IL23R: variants seen among roughly 807,000 people sequenced by gnomAD.
IL23R encodes the protein interleukin-23 receptor.
In IL23R, 34 loss-of-function variants were observed where a neutral mutation model predicts 56.9. The observed-to-expected ratio is 0.60, with a 90% CI of 0.45 to 0.80. IL23R has a LOEUF of 0.80. IL23R is among the 30% of genes least tolerant of loss of function. The pLI, the probability that IL23R is intolerant of heterozygous loss-of-function variation, is 0.00. For synonymous variants in IL23R, 230 were observed against 249.2 expected (o/e 0.92, Z 0.73); for missense variants, 635 against 730.0 (o/e 0.87, Z 1.50).
intron 3 of IL23R, among the ~76,000 whole-genome samples, chr1:67,174,932 A>C (rs1646988705): frequency 6.6e-6 from 1 of 152,174 alleles, no homozygotes; most frequent in Non-Finnish European, 1.5e-5. Flanking sequence ...TGCTACTCAG[A>C]GATAGCAGTT....
chr1:67,204,146 C>T (rs1198697978), intron 5 of IL23R, among the ~76,000 whole-genome samples: 3 of 152,134 alleles, frequency 2.0e-5, no homozygotes, highest in African/African-American at 7.2e-5. Context: ...TCACTGCAAG[C>T]TCCGCCTTCC....
At chr1:67,204,098 C>T (rs147074474) in intron 5 of IL23R, among the ~76,000 whole-genome samples, 25 of 152,100 alleles carry the variant, frequency 1.6e-4, no homozygotes, top group Non-Finnish European at 3.1e-4. Flanking sequence ...GAGTCTCGCT[C>T]TGTCGCCCAG....
At chr1:67,174,182 T>A (rs1646980154) in intron 3 of IL23R, among the ~76,000 whole-genome samples, 1 of 152,116 alleles carries the variant, frequency 6.6e-6, no homozygotes, top group African/African-American at 2.4e-5. Context: ...GATGTATAAT[T>A]GCTGAGTTGC....
chr1:67,151,392 T>C (rs1188844559), intron 1 of IL23R, among the ~76,000 whole-genome samples: 1 of 152,234 alleles, frequency 6.6e-6, no homozygotes, highest in Non-Finnish European at 1.5e-5. Context: ...TCTCCCATTC[T>C]GTAGGTTGCC....
At chr1:67,146,119 A>G (rs1570753059) in intron 1 of IL23R, among the ~76,000 whole-genome samples, 1 of 152,240 alleles carries the variant, frequency 6.6e-6, no homozygotes, top group East Asian at 1.9e-4. Flanking sequence ...AATATTCCAG[A>G]CCATTTGAGT....
chr1:67,255,506 A>T (rs1652891959), intron 9 of IL23R, among the ~76,000 whole-genome samples: 2 of 152,046 alleles, frequency 1.3e-5, no homozygotes, highest in African/African-American at 4.8e-5. Flanking sequence ...TGGCATGGTC[A>T]CAGCTCACTA....
At position 67,259,063 on chromosome 1, in the gene IL23R, A is replaced by T; in HGVS notation, c.1825A>T (p.Asn609Tyr). Residue 609 changes from asparagine to tyrosine, a missense_variant, in exon 11 of 11, where the codon AAT becomes TAT. Coordinates refer to ENST00000347310, the MANE Select transcript of IL23R (RefSeq NM_144701.3). ...CGTGAATGAGGAGTTGCCATCTATTAATACTTATTTTCCACAAAATATTTT... is the reference window on the plus strand; with the variant it reads ...CGTGAATGAGGAGTTGCCATCTATTTATACTTATTTTCCACAAAATATTTT... The part of the protein sequence containing the change: ...GIVNEELPSI[N>Y]TYFPQNILES... 3 of 1,613,972 alleles carry T rather than the reference A, an allele frequency of 1.9e-6. No homozygotes were observed. The highest frequency in any genetic ancestry group is 2.5e-6 in the Non-Finnish European group (3 of 1,179,932).
intron 6 of IL23R, among the ~76,000 whole-genome samples, chr1:67,208,347 A>G (rs1401356031): frequency 1.3e-5 from 2 of 152,182 alleles, no homozygotes; most frequent in Non-Finnish European, 2.9e-5. Context: ...TCCCTAGACC[A>G]TGGGGAAAAT....
At chr1:67,235,410 G>A (rs372165742) in intron 7 of IL23R, among the ~76,000 whole-genome samples, 1 of 105,548 alleles carries the variant, frequency 9.5e-6, no homozygotes, top group Admixed American at 9.8e-5. Flanking sequence ...TTTTTTTTTT[G>A]TGAAATGGAG....
At chr1:67,215,961 A>C (rs1335912391) in intron 6 of IL23R, among the ~76,000 whole-genome samples, 1 of 151,608 alleles carries the variant, frequency 6.6e-6, no homozygotes, top group African/African-American at 2.4e-5. Flanking sequence ...TCTCTTTCTT[A>C]CTCCTTTCAC....
chr1:67,218,689 C>T (rs1471291799), intron 6 of IL23R, among the ~76,000 whole-genome samples: 1 of 151,744 alleles, frequency 6.6e-6, no homozygotes, highest in Non-Finnish European at 1.5e-5. Flanking sequence ...TTTGGGAGGC[C>T]AAGGCAGAGA....
chr1:67,156,934 A>G (rs1646774569), intron 1 of IL23R, among the ~76,000 whole-genome samples: 1 of 152,190 alleles, frequency 6.6e-6, no homozygotes, highest in African/African-American at 2.4e-5. Flanking sequence ...GGGCCCTGAT[A>G]GTGTAGGCTC....
Position 67,218,988 on chromosome 1 carries a change from T to A in IL23R, c.799-586T>A, listed in dbSNP as rs192837931. On this transcript the variant is annotated intron_variant, in intron 6 of 10. Transcript: ENST00000347310. The stretch of plus-strand genomic sequence containing the variant: ...ACACACACATATAAATAAATAAATA[T>A]ATATACACACATAAATAAATATATA... Among the ~76,000 whole-genome samples, 27 of 151,180 alleles carry A rather than the reference T, an allele frequency of 1.8e-4. No individual in the cohort carries two copies. In the East Asian group the frequency reaches 4.5e-3, roughly 25 times the overall value.
chr1:67,258,221 C>T (rs1653056383), intron 10 of IL23R, among the ~76,000 whole-genome samples: 1 of 151,986 alleles, frequency 6.6e-6, no homozygotes, highest in Non-Finnish European at 1.5e-5. Context: ...AACTTTTAAA[C>T]CAAGAAATGT....
chr1:67,261,772 G>A (rs952978247), downstream of IL23R, among the ~76,000 whole-genome samples: 9 of 152,198 alleles, frequency 5.9e-5, no homozygotes, highest in African/African-American at 1.9e-4. Flanking sequence ...CACCATAATT[G>A]TAATCTATCA....
At chr1:67,189,843 A>G (rs867457790) in intron 4 of IL23R, among the ~76,000 whole-genome samples, 7 of 152,182 alleles carry the variant, frequency 4.6e-5, no homozygotes, top group Non-Finnish European at 1.0e-4. Context: ...CCTGGAGTCC[A>G]AGCTACTTGG....
At chr1:67,163,704 CCT>C (rs760917345), upstream of IL23R, among the ~76,000 whole-genome samples, 40 of 152,126 alleles carry the variant, frequency 2.6e-4, no homozygotes, top group South Asian at 2.9e-3. Flanking sequence ...TCCTCTTGCT[CCT>C]GCTCTCTCCA....
intron 6 of IL23R, among the ~76,000 whole-genome samples, chr1:67,208,418 A>C (rs960559926): frequency 2.6e-5 from 4 of 152,202 alleles, no homozygotes; most frequent in African/African-American, 9.6e-5. Context: ...TTGGAGGCCC[A>C]GGAGAAAAAA....
At chr1:67,215,921 T>C (rs912228452) in intron 6 of IL23R, among the ~76,000 whole-genome samples, 6 of 152,182 alleles carry the variant, frequency 3.9e-5, no homozygotes, top group African/African-American at 1.4e-4. Context: ...ACATTGACAT[T>C]CCCTTCATAC....
Sources: gnomAD v4.1 joint callset for allele counts (sites outside exome capture counted in the v4.1 genomes callset) on GRCh38, gnomAD v4.1.1 for gene constraint, MANE v1.5 for transcripts, NCBI Gene and HGNC (gene_info 2026-07-23, HGNC 2026-07-21) for gene names.